ERC2: variants seen among roughly 807,000 people sequenced by gnomAD.
The protein encoded by ERC2 is ELKS/RAB6-interacting/CAST family member 2, also known as ERC protein 2.
ERC2 carries 42 observed loss-of-function variants against 114.8 expected under a neutral mutation model. The ratio of observed to expected loss-of-function variants is 0.37; its 90% CI spans 0.29 to 0.47. ERC2 has a LOEUF of 0.47. ERC2 is among the 20% of genes least tolerant of loss of function. The probability of loss-of-function intolerance (pLI) is 0.99; values close to 1 mark genes in which losing one functional copy is unlikely to be tolerated. For synonymous variants in ERC2, 454 were observed against 425.5 expected, an observed-to-expected ratio of 1.07 and a Z score of -0.82; for missense variants, 939 against 1,150.7, an observed-to-expected ratio of 0.82 and a Z score of 2.66.
In ERC2 at chr3:55,571,403, C is replaced by T. The variant is rs530925167; in HGVS notation, c.*40-60127G>A. Among the ~76,000 whole-genome samples the T allele has an allele frequency of 5.9e-5, 9 of 152,224 alleles. No homozygotes were observed. In the South Asian group the frequency reaches 1.0e-3, roughly 18 times the overall value. ...ATGCAAACCAATCAATCCAAAGCCCCGACCCCAACCACTTCCTCCCTTCTG... is the reference window on the plus strand; with the variant it reads ...ATGCAAACCAATCAATCCAAAGCCCTGACCCCAACCACTTCCTCCCTTCTG... On this transcript the variant is annotated intron_variant, in intron 17 of 17. Coordinates refer to ENST00000288221, the MANE Select transcript of ERC2 (RefSeq NM_015576.3).
At chr3:56,118,642 T>TC (rs2079389912) in intron 6 of ERC2, among the ~76,000 whole-genome samples, 1 of 149,330 alleles carries the variant, frequency 6.7e-6, no homozygotes, top group Non-Finnish European at 1.5e-5. Flanking sequence ...TTTTCTTTTT[T>TC]TTTTTTTTTT....
At chr3:55,609,636 C>T (rs1286086002) in intron 17 of ERC2, among the ~76,000 whole-genome samples, 1 of 151,888 alleles carries the variant, frequency 6.6e-6, no homozygotes, top group East Asian at 1.9e-4. Flanking sequence ...GCGCCACCTA[C>T]AGCTTGGGTA....
At chr3:55,698,070 C>T (rs2148820385) in intron 16 of ERC2, among the ~76,000 whole-genome samples, 1 of 152,036 alleles carries the variant, frequency 6.6e-6, no homozygotes, top group African/African-American at 2.4e-5. Context: ...AAATTGACAC[C>T]TCTCTCCACA....
chr3:56,393,957 G>C (rs902679982), intron 2 of ERC2, among the ~76,000 whole-genome samples: 1 of 151,518 alleles, frequency 6.6e-6, no homozygotes, highest in Non-Finnish European at 1.5e-5. Flanking sequence ...AAAAAAAAAA[G>C]GAATTCTCTT....
intron 14 of ERC2, among the ~76,000 whole-genome samples, chr3:55,878,855 G>T (rs912721783): frequency 1.3e-5 from 2 of 152,176 alleles, no homozygotes; most frequent in African/African-American, 4.8e-5. Flanking sequence ...TCAAGGCAGG[G>T]ATAGTGAAGG....
At chr3:56,063,606 T>C (rs180791303) in intron 7 of ERC2, among the ~76,000 whole-genome samples, 2 of 152,266 alleles carry the variant, frequency 1.3e-5, no homozygotes, top group African/African-American at 4.8e-5. Flanking sequence ...ACAGGGAAAC[T>C]GAGGCAGAGG....
chr3:56,311,270 T>C lies in ERC2; in HGVS notation c.658-14835A>G, dbSNP rs527748778. Among the ~76,000 whole-genome samples the C allele has an allele frequency of 1.3e-3, 177 of 136,144 alleles. 2 individuals are homozygous for C. The highest frequency in any genetic ancestry group is 0.011 in the Middle Eastern group (3 of 266). 89.3% of individuals were successfully genotyped at this position (136,144 alleles called of 152,430 possible). A position where few individuals can be genotyped will look rare whatever the true frequency, so the allele number is the denominator to read the frequency against. On this transcript the variant is annotated intron_variant, in intron 2 of 17. Coordinates refer to ENST00000288221, the MANE Select transcript of ERC2 (RefSeq NM_015576.3). ...CTCTCTCTCTCTATATATATATATA[T>C]ATATATATATATATATATATACACA...
intron 2 of ERC2, among the ~76,000 whole-genome samples, chr3:56,373,703 T>C (rs962876466): frequency 1.3e-5 from 2 of 152,254 alleles, no homozygotes; most frequent in Non-Finnish European, 2.9e-5. Flanking sequence ...TCTGCCATTG[T>C]AGCACAAAAG....
chr3:55,676,669 A>G (rs1268576354), intron 17 of ERC2, among the ~76,000 whole-genome samples: 1 of 151,898 alleles, frequency 6.6e-6, no homozygotes, highest in Non-Finnish European at 1.5e-5. Flanking sequence ...AATTAGTGTC[A>G]TCTGTGACTT....
chr3:56,191,383 T>TGGCACACGGCTGAAATAAC (rs1381211111), intron 3 of ERC2, among the ~76,000 whole-genome samples: 1 of 152,138 alleles, frequency 6.6e-6, no homozygotes, highest in Non-Finnish European at 1.5e-5. Flanking sequence ...GCATACCCTC[T>TGGCACACGGCTGAAATAAC]GGCACACGGC....
intron 7 of ERC2, among the ~76,000 whole-genome samples, chr3:56,070,469 A>C (rs201053989): frequency 2.1e-5 from 1 of 47,956 alleles, no homozygotes; most frequent in South Asian, 5.7e-4. Context: ...AACCTTTTTT[A>C]AAAAAAAAAA....
chr3:55,944,401 A>G (rs1346047673), intron 13 of ERC2, among the ~76,000 whole-genome samples: 1 of 152,222 alleles, frequency 6.6e-6, no homozygotes, highest in South Asian at 2.1e-4. Flanking sequence ...CCATAGAAAT[A>G]TATTGTGTTT....
chr3:55,893,594 C>T (rs1404418499), intron 13 of ERC2, among the ~76,000 whole-genome samples: 1 of 152,152 alleles, frequency 6.6e-6, no homozygotes, highest in African/African-American at 2.4e-5. Context: ...CAACTTGCCA[C>T]TCCCTAACAC....
chr3:56,236,657 T>G (rs988018208), intron 3 of ERC2, among the ~76,000 whole-genome samples: 2 of 152,186 alleles, frequency 1.3e-5, no homozygotes, highest in African/African-American at 4.8e-5. Flanking sequence ...TGAGGTATTT[T>G]GGGCTCCTTG....
At chr3:56,066,273 T>C (rs1254664627) in intron 7 of ERC2, among the ~76,000 whole-genome samples, 3 of 152,252 alleles carry the variant, frequency 2.0e-5, no homozygotes, top group African/African-American at 7.2e-5. Flanking sequence ...ATTGTGGTTT[T>C]GATTTGCATT....
intron 17 of ERC2, among the ~76,000 whole-genome samples, chr3:55,614,787 A>T (rs1575777995): frequency 6.6e-6 from 1 of 152,326 alleles, no homozygotes; most frequent in African/African-American, 2.4e-5. Context: ...CGGGGAAAAA[A>T]CGTTGAGTGA....
intron 17 of ERC2, among the ~76,000 whole-genome samples, chr3:55,626,933 G>A (rs2148614421): frequency 6.6e-6 from 1 of 152,352 alleles, no homozygotes; most frequent in South Asian, 2.1e-4. Flanking sequence ...CAGGTCAAAT[G>A]GATTAGTGCA....
At chr3:55,634,840 C>T (rs1045455538) in intron 17 of ERC2, among the ~76,000 whole-genome samples, 1 of 152,124 alleles carries the variant, frequency 6.6e-6, no homozygotes, top group Admixed American at 6.5e-5. Flanking sequence ...CTTCCCTTTC[C>T]CATAGCACTT....
intron 4 of ERC2, among the ~76,000 whole-genome samples, chr3:56,153,530 A>G (rs924821908): frequency 6.6e-6 from 1 of 152,216 alleles, no homozygotes; most frequent in Non-Finnish European, 1.5e-5. Context: ...TTAGAAAAAC[A>G]TGAATCTAGT....
Sources: allele counts gnomAD v4.1 joint callset (sites outside exome capture counted in the v4.1 genomes callset), GRCh38; gene constraint gnomAD v4.1.1; transcripts MANE v1.5; gene names NCBI Gene and HGNC (gene_info 2026-07-23, HGNC 2026-07-21).